GLS: variants seen among roughly 807,000 people sequenced by gnomAD.
GLS encodes glutaminase.
Under a neutral mutation model 86.7 loss-of-function variants are expected in GLS, and 36 were observed. That is an observed-to-expected ratio of 0.42 (90% CI 0.32 to 0.55). The LOEUF (loss-of-function observed/expected upper bound fraction) is 0.55. GLS is among the 20% of genes least tolerant of loss of function. The pLI is 0.17. For missense variants in GLS, 528 were observed against 833.4 expected, an observed-to-expected ratio of 0.63 and a Z score of 4.51; for synonymous variants, 317 against 305.9, an observed-to-expected ratio of 1.04 and a Z score of -0.38.
At position 190,945,126 on chromosome 2, in the gene GLS, C is replaced by T. The variant is rs115115160; in HGVS notation, c.1651-8439C>T. 2.0e-3 allele frequency among the ~76,000 whole-genome samples: 297 copies of T among 152,300 alleles called. 1 individual carries two copies. Among genetic ancestry groups the T allele is most frequent in the African/African-American group, 6.4e-3 (266 of 41,554 alleles). ...TCCAGACTGGGTTTGAGCCCTTGTT[C>T]TTCCACTTACCAGCTCTGATACCTT... On this transcript the variant is annotated intron_variant, in intron 14 of 17. Coordinates refer to ENST00000320717, the MANE Select transcript of GLS (RefSeq NM_014905.5).
intron 14 of GLS, among the ~76,000 whole-genome samples, chr2:190,945,631 C>T (rs1303031548): frequency 2.7e-5 from 4 of 150,194 alleles, no homozygotes; most frequent in Non-Finnish European, 4.4e-5. Context: ...CAGCACGGCA[C>T]TCCAGTCTAG....
At chr2:190,900,164 T>C (rs1688891488) in intron 3 of GLS, among the ~76,000 whole-genome samples, 2 of 152,192 alleles carry the variant, frequency 1.3e-5, no homozygotes, top group Non-Finnish European at 2.9e-5. Flanking sequence ...CTAAGAGATG[T>C]ATTTCTGAGA....
In GLS at chr2:190,964,829, G is replaced by C. The variant is rs571416970; in HGVS notation, c.*1843G>C. 2 of 152,340 alleles carry C rather than the reference G, an allele frequency of 1.3e-5. No individual in the cohort carries two copies. The highest frequency in any genetic ancestry group is 4.8e-5 in the African/African-American group (2 of 41,570). 9.4% of individuals were successfully genotyped at this position (152,340 alleles called of 1,614,324 possible). A position where few individuals can be genotyped will look rare whatever the true frequency, so the allele number is the denominator to read the frequency against. ...CTTTATTCAAAGAGCAGCCCGCTTT[G>C]TGTGACTAAAATGAAACAAGACAGT... On this transcript the variant is annotated 3_prime_UTR_variant, in exon 18 of 18. Transcript: ENST00000320717. The surrounding 1 kb of genome is among the most constrained non-coding windows in gnomAD (Gnocchi z 5.2).
At chr2:190,961,586 A>T (rs1020855439) in intron 17 of GLS, among the ~76,000 whole-genome samples, 28 of 152,174 alleles carry the variant, frequency 1.8e-4, no homozygotes, top group Admixed American at 1.7e-3. Context: ...ATTTTTCCAG[A>T]AAGACAGATA....
chr2:190,938,073 T>TTA lies in GLS; in HGVS notation c.1650+6441_1650+6442dup, dbSNP rs1281755513. 2.0e-5 allele frequency among the ~76,000 whole-genome samples: 3 copies of TTA among 151,334 alleles called. No homozygotes were observed. Among genetic ancestry groups the TTA allele is most frequent in the African/African-American group, 7.2e-5 (3 of 41,394 alleles). On this transcript the variant is annotated intron_variant, in intron 14 of 17. Transcript: ENST00000320717. This position sits in a 1 kb window ranked among gnomAD's most constrained non-coding sequence, Gnocchi z 4.1. ...ATTATGGAATTTTTTTAAAGAAAAATTATATACCACATCTCAATGGCAAAG... is the reference window on the plus strand; with the variant it reads ...ATTATGGAATTTTTTTAAAGAAAAATTATATATACCACATCTCAATGGCAAAG...
rs1209574868 is a variant in GLS at position 190,951,856 on chromosome 2, G to C, written c.1651-1709G>C. Among the ~76,000 whole-genome samples the C allele has an allele frequency of 6.6e-6, 1 of 152,210 alleles. No homozygotes were observed. The highest frequency in any genetic ancestry group is 2.4e-5 in the African/African-American group (1 of 41,456). On this transcript the variant is annotated intron_variant, in intron 14 of 17. Transcript: ENST00000320717. The surrounding 1 kb of genome is among the most constrained non-coding windows in gnomAD (Gnocchi z 4.2). ...AAAAAGAAAGACATTAAGGACACCT[G>C]AAACAGTGGTTTATAACCCAGAAAA...
At position 190,935,288 on chromosome 2, in the gene GLS, G is replaced by A. The variant is rs1197013927; in HGVS notation, c.1650+3651G>A. 1 of 532,482 alleles carries A rather than the reference G, an allele frequency of 1.9e-6. No individual in the cohort carries two copies. Among genetic ancestry groups the A allele is most frequent in the Non-Finnish European group, 2.4e-6 (1 of 416,636 alleles). 33.0% of individuals were successfully genotyped at this position (532,482 alleles called of 1,614,324 possible). A position where few individuals can be genotyped will look rare whatever the true frequency, so the allele number is the denominator to read the frequency against. ...TTGCACAATAAATTTATTTTAAGCTGATTTTATTGTTTTTTTTGTTTTGTT... is the reference window on the plus strand; with the variant it reads ...TTGCACAATAAATTTATTTTAAGCTAATTTTATTGTTTTTTTTGTTTTGTT... On this transcript the variant is annotated intron_variant, in intron 14 of 17. Coordinates refer to ENST00000320717, the MANE Select transcript of GLS (RefSeq NM_014905.5). This position sits in a 1 kb window ranked among gnomAD's most constrained non-coding sequence, Gnocchi z 4.2.
chr2:190,957,837 A>G (rs902588225), intron 17 of GLS, among the ~76,000 whole-genome samples: 1 of 152,234 alleles, frequency 6.6e-6, no homozygotes, highest in Non-Finnish European at 1.5e-5. Context: ...TTTCGCATCA[A>G]TATTCATCAG....
Position 190,955,065 on chromosome 2 carries a change from A to C in GLS, c.1853+247A>C, listed in dbSNP as rs528684082. Among the ~76,000 whole-genome samples, 1 of 152,282 alleles carries C rather than the reference A, an allele frequency of 6.6e-6. No individual in the cohort carries two copies. Among genetic ancestry groups the C allele is most frequent in the African/African-American group, 2.4e-5 (1 of 41,550 alleles). On this transcript the variant is annotated intron_variant, in intron 17 of 17. Coordinates refer to ENST00000320717, the MANE Select transcript of GLS (RefSeq NM_014905.5). This position sits in a 1 kb window ranked among gnomAD's most constrained non-coding sequence, Gnocchi z 5.6. Reference sequence around the variant, plus strand: ...GACCATTAGTCAATACACTGTATGAACAAAACAATTTTTTTTTTGCATTTG... The same window carrying C: ...GACCATTAGTCAATACACTGTATGACCAAAACAATTTTTTTTTTGCATTTG...
chr2:190,883,630 A>G (rs987448919), intron 1 of GLS, among the ~76,000 whole-genome samples: 3 of 152,262 alleles, frequency 2.0e-5, no homozygotes, highest in African/African-American at 4.8e-5. Flanking sequence ...TGGCCTTGGA[A>G]TTTCAGGCTT....
chr2:190,934,566 T>G, intron 14 of GLS: 1 of 983,794 alleles, frequency 1.0e-6, no homozygotes, highest in Non-Finnish European at 1.2e-6. Flanking sequence ...CATTTGTAGT[T>G]TGGGCAACCG....
At chr2:190,934,476 C>A in intron 14 of GLS, 6 of 975,918 alleles carry the variant, frequency 6.1e-6, no homozygotes, top group Non-Finnish European at 7.3e-6. Context: ...TTTGAATGTT[C>A]AGATGCATAT....
chr2:190,907,367 CCTG>C (rs1186687557), intron 6 of GLS, among the ~76,000 whole-genome samples: 3 of 151,924 alleles, frequency 2.0e-5, no homozygotes, highest in African/African-American at 7.3e-5. Context: ...AAGCGATTCT[CCTG>C]CCTCAGCCTC....
intron 14 of GLS, among the ~76,000 whole-genome samples, chr2:190,941,466 G>A (rs930121173): frequency 1.3e-5 from 2 of 152,078 alleles, no homozygotes; most frequent in African/African-American, 4.8e-5. Context: ...CAGAGAGCAT[G>A]GTTAGCTGTA....
At chr2:190,903,382 C>G (rs1410490872) in intron 5 of GLS, among the ~76,000 whole-genome samples, 1 of 152,086 alleles carries the variant, frequency 6.6e-6, no homozygotes, top group Admixed American at 6.5e-5. Context: ...TTATTATATG[C>G]CTTTATCCTC....
intron 17 of GLS, among the ~76,000 whole-genome samples, chr2:190,961,043 T>C (rs883844): frequency 0.61 from 91,963 of 152,004 alleles, 28,456 homozygotes; most frequent in Admixed American, 0.68. Flanking sequence ...GTATTAATTT[T>C]TTTTGCCCTA....
At chr2:190,925,787 T>G (rs992677111) in intron 11 of GLS, among the ~76,000 whole-genome samples, 155 of 152,324 alleles carry the variant, frequency 1.0e-3, no homozygotes, top group African/African-American at 3.7e-3. Context: ...ATATAAAATT[T>G]AAGGTCTAGC....
intron 1 of GLS, 92 bp downstream of exon 1, chr2:190,881,562 CGAGGGTCTA>C: frequency 8.3e-7 from 1 of 1,209,948 alleles, no homozygotes; most frequent in Non-Finnish European, 1.1e-6. Flanking sequence ...GGATAGGAGC[CGAGGGTCTA>C]GAAAAGAGAA....
At position 190,920,953 on chromosome 2, in the gene GLS, T is replaced by C; in HGVS notation, c.1039-71T>C. 1.3e-6 allele frequency: 1 copy of C among 786,430 alleles called. No individual in the cohort carries two copies. Among genetic ancestry groups the C allele is most frequent in the Non-Finnish European group, 2.2e-6 (1 of 450,518 alleles). 48.7% of individuals were successfully genotyped at this position (786,430 alleles called of 1,614,324 possible). A position where few individuals can be genotyped will look rare whatever the true frequency, so the allele number is the denominator to read the frequency against. On this transcript the variant is annotated intron_variant, in intron 7 of 17. Coordinates refer to ENST00000320717, the MANE Select transcript of GLS (RefSeq NM_014905.5). The surrounding 1 kb of genome is among the most constrained non-coding windows in gnomAD (Gnocchi z 4.2). ...ATATTATAATAGTAGCTTTGAAATTTTGATATTGGCTTGAAACTTAACTGT... is the reference window on the plus strand; with the variant it reads ...ATATTATAATAGTAGCTTTGAAATTCTGATATTGGCTTGAAACTTAACTGT...
Sources: allele counts gnomAD v4.1 joint callset (sites outside exome capture counted in the v4.1 genomes callset), GRCh38; gene constraint gnomAD v4.1.1; non-coding constraint Gnocchi (gnomAD v3.1); transcripts MANE v1.5; gene names NCBI Gene and HGNC (gene_info 2026-07-23, HGNC 2026-07-21).